GFOD1: variants seen among roughly 807,000 people sequenced by gnomAD.
GFOD1 encodes the protein glucose-fructose oxidoreductase domain-containing protein 1.
In GFOD1, 9 loss-of-function variants were observed where a neutral mutation model predicts 25.4. The observed-to-expected ratio is 0.35, with a 90% CI of 0.21 to 0.62. The LOEUF (loss-of-function observed/expected upper bound fraction) is 0.62, where lower values mean the gene tolerates loss of function less well. Among genes scored for constraint, GFOD1 ranks in the 20% least tolerant of loss-of-function variants. The probability of loss-of-function intolerance (pLI) is 0.72; values close to 1 mark genes in which losing one functional copy is unlikely to be tolerated. For missense variants in GFOD1, 403 were observed against 556.9 expected (o/e 0.72, Z 2.78); for synonymous variants, 253 against 245.6 (o/e 1.03, Z -0.28).
intron 1 of GFOD1, among the ~76,000 whole-genome samples, chr6:13,437,755 CA>C (rs1183032558): frequency 6.6e-6 from 1 of 152,154 alleles, no homozygotes; most frequent in African/African-American, 2.4e-5. Context: ...TGACCTTTGG[CA>C]GTCACTGCTA....
chr6:13,403,153 T>C (rs1785881532), intron 1 of GFOD1, among the ~76,000 whole-genome samples: 1 of 149,676 alleles, frequency 6.7e-6, no homozygotes, highest in Admixed American at 6.7e-5. Context: ...TGAGACGGAG[T>C]CTCGCTCTGT....
chr6:13,432,459 T>C (rs1757766381), intron 1 of GFOD1, among the ~76,000 whole-genome samples: 1 of 152,034 alleles, frequency 6.6e-6, no homozygotes, highest in Non-Finnish European at 1.5e-5. Context: ...CTTCCCACCT[T>C]GGCCTCCCAA....
In GFOD1 at chr6:13,358,999, C is replaced by T. The variant is rs554781453; in HGVS notation, c.*5744G>A. On this transcript the variant is annotated 3_prime_UTR_variant, in exon 2 of 2. Coordinates refer to ENST00000379287, the MANE Select transcript of GFOD1 (RefSeq NM_018988.4). ...GTGGGGGAGAAAAAGGCCAGTGGGC[C>T]ATTGCCTTCCACTCCTGAGACAGTA... The T allele has an allele frequency of 6.6e-6, 1 of 152,472 alleles. No homozygotes were observed. Among genetic ancestry groups the T allele is most frequent in the South Asian group, 2.1e-4 (1 of 4,838 alleles). 9.4% of individuals were successfully genotyped at this position (152,472 alleles called of 1,614,324 possible).
intron 1 of GFOD1, among the ~76,000 whole-genome samples, chr6:13,387,205 T>C (rs1785491961): frequency 6.6e-6 from 1 of 152,198 alleles, no homozygotes; most frequent in African/African-American, 2.4e-5. Context: ...AATGTTTACA[T>C]GAGCATCCAA....
In GFOD1 at chr6:13,409,282, C is replaced by A. The variant is rs1168934568; in HGVS notation, c.254-43620G>T. 1.2e-4 allele frequency among the ~76,000 whole-genome samples: 9 copies of A among 76,678 alleles called. No homozygotes were observed. The South Asian group carries it at 1.6e-3, about 14-fold the overall frequency. The allele number at this position is 76,678 out of a possible 152,430, so 50.3% of individuals were successfully genotyped here. On this transcript the variant is annotated intron_variant, in intron 1 of 1. Coordinates refer to ENST00000379287, the MANE Select transcript of GFOD1 (RefSeq NM_018988.4). Reference sequence around the variant, plus strand: ...AGAGAGAGAGGGAAAGATAGAGAGACAGAGAGGAAGGAAGGAAGAAAGGAA... The same window carrying A: ...AGAGAGAGAGGGAAAGATAGAGAGAAAGAGAGGAAGGAAGGAAGAAAGGAA...
intron 1 of GFOD1, among the ~76,000 whole-genome samples, chr6:13,421,230 G>T (rs951732445): frequency 6.6e-6 from 1 of 152,194 alleles, no homozygotes; most frequent in Non-Finnish European, 1.5e-5. Context: ...GCTCATGCTT[G>T]TAATCCCAGC....
At chr6:13,486,247 T>TCCCCCCCCCCCC (rs373896526) in intron 1 of GFOD1, 72 of 116,330 alleles carry the variant, frequency 6.2e-4, no homozygotes, top group African/African-American at 2.2e-3. Context: ...CACCCCCCCA[T>TCCCCCCCCCCCC]CCCCCCCCCC....
chr6:13,393,217 G>A (rs182182571), intron 1 of GFOD1, among the ~76,000 whole-genome samples: 25 of 151,898 alleles, frequency 1.6e-4, no homozygotes, highest in Admixed American at 1.2e-3. Flanking sequence ...TTAGCTGGGC[G>A]TGCTAGTGCA....
At chr6:13,396,408 G>A (rs1486705773) in intron 1 of GFOD1, among the ~76,000 whole-genome samples, 1 of 152,236 alleles carries the variant, frequency 6.6e-6, no homozygotes, top group African/African-American at 2.4e-5. Flanking sequence ...GCCACACTGA[G>A]TTACAGAGAG....
intron 1 of GFOD1, among the ~76,000 whole-genome samples, chr6:13,474,807 C>G (rs546366324): frequency 6.6e-6 from 1 of 152,186 alleles, no homozygotes; most frequent in African/African-American, 2.4e-5. Flanking sequence ...TGGAAATGCC[C>G]CTGGCAGAGG....
At chr6:13,424,430 G>A (rs1403244265) in intron 1 of GFOD1, among the ~76,000 whole-genome samples, 2 of 152,150 alleles carry the variant, frequency 1.3e-5, no homozygotes, top group Non-Finnish European at 2.9e-5. Flanking sequence ...CATATTTCAA[G>A]GGGTTCCCTC....
rs1219038130 is a variant in GFOD1 at position 13,365,173 on chromosome 6, T to A, written c.743A>T (p.Asp248Val). Reference sequence around the variant, plus strand: ...CCCGGCTGAGCCCACCACAGTGACATCCTGCTTGAACTCGCCGGGCACGTT... The same window carrying A: ...CCCGGCTGAGCCCACCACAGTGACAACCTGCTTGAACTCGCCGGGCACGTT... ...NFNVPGEFKQ[D>V]VTVVGSAGRL... The change falls in exon 2 of 2, where the codon GAT becomes GTT. Residue 248 changes from aspartate to valine, a missense_variant. By Grantham distance (152) the Asp-to-Val change is radical. Transcript: ENST00000379287. The surrounding 1 kb of genome is among the most constrained non-coding windows in gnomAD (Gnocchi z 9.2). The A allele has an allele frequency of 6.2e-7, 1 of 1,613,854 alleles. No homozygotes were observed. The highest frequency in any genetic ancestry group is 1.1e-5 in the South Asian group (1 of 91,080).
chr6:13,360,871 A>G lies in GFOD1; in HGVS notation c.*3872T>C. On this transcript the variant is annotated 3_prime_UTR_variant, in exon 2 of 2. Coordinates refer to ENST00000379287, the MANE Select transcript of GFOD1 (RefSeq NM_018988.4). ...CCTGGCAAGAACAGGAGGTGCCCAC[A>G]TCTCTTCCTGGGAGGCAGTGTGGTC... The G allele has an allele frequency of 2.2e-6, 1 of 456,654 alleles. No homozygotes were observed. Among genetic ancestry groups the G allele is most frequent in the Non-Finnish European group, 4.4e-6 (1 of 226,940 alleles). 28.3% of individuals were successfully genotyped at this position (456,654 alleles called of 1,614,324 possible).
rs529605870 is a variant in GFOD1 at position 13,393,329 on chromosome 6, T to A, written c.254-27667A>T. ...GGAGATCATGCCACTGCACTCTAGC[T>A]TGAGGAACAGAGCGAGACCCCATCT... On this transcript the variant is annotated intron_variant, in intron 1 of 1. Coordinates refer to ENST00000379287, the MANE Select transcript of GFOD1 (RefSeq NM_018988.4). Among the ~76,000 whole-genome samples the A allele has an allele frequency of 2.2e-5, 3 of 137,960 alleles. No homozygotes were observed. In the Admixed American group the frequency reaches 2.4e-4, roughly 11 times the overall value. The allele number at this position is 137,960 out of a possible 152,430, so 90.5% of individuals were successfully genotyped here.
chr6:13,421,605 C>G (rs1252488402), intron 1 of GFOD1, among the ~76,000 whole-genome samples: 1 of 152,194 alleles, frequency 6.6e-6, no homozygotes, highest in Non-Finnish European at 1.5e-5. Context: ...TATTTGACAA[C>G]TGCGCAAAAG....
intron 1 of GFOD1, among the ~76,000 whole-genome samples, chr6:13,440,504 T>A (rs775465468): frequency 4.6e-5 from 7 of 152,180 alleles, no homozygotes; most frequent in Non-Finnish European, 8.8e-5. Context: ...ATGAATTCTT[T>A]ATTTGTGAAC....
intron 1 of GFOD1, among the ~76,000 whole-genome samples, chr6:13,391,242 C>T (rs1014884582): frequency 6.6e-6 from 1 of 150,566 alleles, no homozygotes; most frequent in South Asian, 2.1e-4. Context: ...AATTATCTGA[C>T]GGTGCTAGCT....
At chr6:13,413,401 T>C (rs1050498127) in intron 1 of GFOD1, among the ~76,000 whole-genome samples, 3 of 152,120 alleles carry the variant, frequency 2.0e-5, no homozygotes, top group Non-Finnish European at 4.4e-5. Flanking sequence ...GCATGCACAA[T>C]GACAAGTAAT....
In GFOD1 at chr6:13,434,368, C is replaced by T. The variant is rs960409011; in HGVS notation, c.253+52270G>A. On this transcript the variant is annotated intron_variant, in intron 1 of 1. Coordinates refer to ENST00000379287, the MANE Select transcript of GFOD1 (RefSeq NM_018988.4). ...TCAAGTTCAGGGCATTATGGGAACACAGGAATCAAGTGCATGGCATTATGA... is the reference window on the plus strand; with the variant it reads ...TCAAGTTCAGGGCATTATGGGAACATAGGAATCAAGTGCATGGCATTATGA... Among the ~76,000 whole-genome samples, 6 of 145,302 alleles carry T rather than the reference C, an allele frequency of 4.1e-5. No homozygotes were observed. The Admixed American group carries it at 4.2e-4, about 10-fold the overall frequency.
Sources: allele counts gnomAD v4.1 joint callset (sites outside exome capture counted in the v4.1 genomes callset), GRCh38; gene constraint gnomAD v4.1.1; non-coding constraint Gnocchi (gnomAD v3.1); transcripts MANE v1.5; gene names NCBI Gene and HGNC (gene_info 2026-07-23, HGNC 2026-07-21).